The following BMP8B variants were observed in gnomAD, a reference collection of about 807,000 sequenced individuals.
BMP8B encodes bone morphogenetic protein 8b, also known as bone morphogenetic protein 8 (osteogenic protein 2).
In BMP8B, 17 loss-of-function variants were observed where a neutral mutation model predicts 30.3. That is an observed-to-expected ratio of 0.56 (90% CI 0.38 to 0.84). The LOEUF (loss-of-function observed/expected upper bound fraction) is 0.84, where lower values mean the gene tolerates loss of function less well. BMP8B is among the 40% of genes least tolerant of loss of function. BMP8B has a pLI of 0.00. For missense variants in BMP8B, 253 were observed against 494.6 expected, an observed-to-expected ratio of 0.51 and a Z score of 4.63; for synonymous variants, 131 against 214.7, an observed-to-expected ratio of 0.61 and a Z score of 3.41.
chr1:39,783,594 G>A (rs1414728935), intron 1 of BMP8B, among the ~76,000 whole-genome samples: 2 of 152,162 alleles, frequency 1.3e-5, no homozygotes, highest in African/African-American at 4.8e-5. Flanking sequence ...GAGCATTAAC[G>A]TATGCAGTTA....
intron 6 of BMP8B, chr1:39,762,395 A>G: frequency 7.8e-7 from 1 of 1,277,676 alleles, no homozygotes; most frequent in Non-Finnish European, 1.1e-6. Flanking sequence ...AATACCAGGA[A>G]CTGGGATTCT....
chr1:39,766,266 ATTACCAGCT>A (rs1649608190), intron 3 of BMP8B, among the ~76,000 whole-genome samples: 2 of 146,332 alleles, frequency 1.4e-5, no homozygotes, highest in South Asian at 4.2e-4. Context: ...CAGAAGCATG[ATTACCAGCT>A]CATTTTCATG....
chr1:39,775,739 G>A (rs1440290378), intron 1 of BMP8B, among the ~76,000 whole-genome samples: 2 of 152,260 alleles, frequency 1.3e-5, no homozygotes, highest in African/African-American at 4.8e-5. Flanking sequence ...TTCCTTTCTG[G>A]AACAAGCTGG....
Position 39,760,452 on chromosome 1 carries a change from G to A in BMP8B, c.1176C>T (p.Arg392=), listed in dbSNP as rs770513666. 2.5e-6 allele frequency: 4 copies of A among 1,614,036 alleles called. No homozygotes were observed. The highest frequency in any genetic ancestry group is 1.3e-5 in the African/African-American group (1 of 74,946). ...AGCCGCAGGCCTTGACCACCATGTTGCGGTGCTTGCGCAGGATGACATTGT... is the reference window on the plus strand; with the variant it reads ...AGCCGCAGGCCTTGACCACCATGTTACGGTGCTTGCGCAGGATGACATTGT... The part of the protein sequence containing the change: ...SSNNVILRKH[R]NMVVKACGCH The change falls in exon 7 of 7, where the codon CGC becomes CGT. Residue 392 remains arginine, a synonymous_variant. Coordinates refer to ENST00000372827, the MANE Select transcript of BMP8B (RefSeq NM_001720.5).
At chr1:39,774,821 TG>T in intron 2 of BMP8B, 27 bp downstream of exon 2, 1 of 566,772 alleles carries the variant, frequency 1.8e-6, no homozygotes, top group Non-Finnish European at 2.9e-6. Context: ...GGGGGTTAGG[TG>T]GGGCACCCGG....
intron 6 of BMP8B, among the ~76,000 whole-genome samples, chr1:39,761,000 C>G (rs1032049712): frequency 3.9e-5 from 6 of 152,070 alleles, no homozygotes; most frequent in Non-Finnish European, 7.4e-5. Context: ...CCTGGCCTCC[C>G]TCCCCAGTCT....
chr1:39,779,325 C>T (rs1003426753), intron 1 of BMP8B, among the ~76,000 whole-genome samples: 1 of 152,100 alleles, frequency 6.6e-6, no homozygotes, highest in Non-Finnish European at 1.5e-5. Flanking sequence ...CTCCTCCCTG[C>T]TCTTGGCACT....
At chr1:39,787,243 G>T (rs59967712) in intron 1 of BMP8B, among the ~76,000 whole-genome samples, 27,398 of 149,336 alleles carry the variant, frequency 0.18, 2,684 homozygotes, top group East Asian at 0.3. Flanking sequence ...CGGGGCCAGG[G>T]ACCCTCTCCC....
At position 39,763,700 on chromosome 1, in the gene BMP8B, G is replaced by A; in HGVS notation, c.948+12C>T. 4 of 1,593,370 alleles carry A rather than the reference G, an allele frequency of 2.5e-6. No homozygotes were observed. The highest frequency in any genetic ancestry group is 3.4e-6 in the Non-Finnish European group (4 of 1,167,860). On this transcript the variant is annotated intron_variant, in intron 5 of 6. Transcript: ENST00000372827. ...GATTGTCATTTCAGAAACAAGAAGAGTCAGCAATTACCAGCCAGCCGAGGT... is the reference window on the plus strand; with the variant it reads ...GATTGTCATTTCAGAAACAAGAAGAATCAGCAATTACCAGCCAGCCGAGGT...
At chr1:39,773,317 C>CT (rs962369842) in intron 3 of BMP8B, among the ~76,000 whole-genome samples, 3 of 22,900 alleles carry the variant, frequency 1.3e-4, no homozygotes, top group Admixed American at 7.5e-4. Flanking sequence ...CCAACCTTCC[C>CT]TTTTTTTTGA....
rs1475748089 is a variant in BMP8B at position 39,788,494 on chromosome 1, G to A, written c.-9C>T. 47 of 1,012,154 alleles carry A rather than the reference G, an allele frequency of 4.6e-5. No individual in the cohort carries two copies. The highest frequency in any genetic ancestry group is 5.4e-5 in the Non-Finnish European group (46 of 849,196). 62.7% of individuals were successfully genotyped at this position (1,012,154 alleles called of 1,614,324 possible). On this transcript the variant is annotated 5_prime_UTR_variant, in exon 1 of 7. Coordinates refer to ENST00000372827, the MANE Select transcript of BMP8B (RefSeq NM_001720.5). This position sits in a 1 kb window ranked among gnomAD's most constrained non-coding sequence, Gnocchi z 5.8. ...CCGGGGAGCGCGGTCATGGCAGGCCGGGGGCGCTCAGCTGGGGCGCTCAGC... is the reference window on the plus strand; with the variant it reads ...CCGGGGAGCGCGGTCATGGCAGGCCAGGGGCGCTCAGCTGGGGCGCTCAGC...
At chr1:39,762,476 G>A in intron 6 of BMP8B, 2 of 1,532,934 alleles carry the variant, frequency 1.3e-6, no homozygotes, top group Non-Finnish European at 8.8e-7. Context: ...ACAGTGAGCA[G>A]CACCAGTGAT....
chr1:39,779,813 T>C (rs71642700), intron 1 of BMP8B, among the ~76,000 whole-genome samples: 3,196 of 152,338 alleles, frequency 0.021, 60 homozygotes, highest in Non-Finnish European at 0.033. Flanking sequence ...TGTGGCTGTG[T>C]AACTCATTAT....
At chr1:39,770,531 G>A in intron 3 of BMP8B, 1 of 1,610,082 alleles carries the variant, frequency 6.2e-7, no homozygotes, top group Admixed American at 1.7e-5. Flanking sequence ...CACCTCCACC[G>A]CCGTGACGTC....
chr1:39,788,404 G>C lies in BMP8B; in HGVS notation c.82C>G (p.Pro28Ala), dbSNP rs1651159682. Residue 28 changes from proline to alanine, a missense_variant, in exon 1 of 7, where the codon CCG becomes GCG. By Grantham distance (27) the Pro-to-Ala change is conservative (BLOSUM62 -1). Around this residue, in one of 7 missense-constraint regions of BMP8B, gnomAD observed 54 missense variants for 70.8 expected, o/e 0.76. Coordinates refer to ENST00000372827, the MANE Select transcript of BMP8B (RefSeq NM_001720.5). The surrounding 1 kb of genome is among the most constrained non-coding windows in gnomAD (Gnocchi z 5.8). Reference protein sequence around the residue: ...LGGGGPGLRPPPGCPQRRLGA... With the variant: ...LGGGGPGLRPAPGCPQRRLGA... ...AGACGTCGCTGGGGACAGCCGGGCG[G>C]GGGTCGCAGGCCGGGGCCGCCCCCG... 1 of 1,073,788 alleles carries C rather than the reference G, an allele frequency of 9.3e-7. No homozygotes were observed. Among genetic ancestry groups the C allele is most frequent in the African/African-American group, 1.7e-5 (1 of 59,022 alleles). The allele number at this position is 1,073,788 out of a possible 1,614,324, so 66.5% of individuals were successfully genotyped here.
chr1:39,766,942 G>A (rs1295354221), intron 3 of BMP8B, among the ~76,000 whole-genome samples: 1 of 152,232 alleles, frequency 6.6e-6, no homozygotes, highest in Non-Finnish European at 1.5e-5. Context: ...GGGACAGCCT[G>A]GGGCCCAGGG....
At position 39,759,997 on chromosome 1, in the gene BMP8B, G is replaced by C. The variant is rs1244023520; in HGVS notation, c.*422C>G. 1 of 223,380 alleles carries C rather than the reference G, an allele frequency of 4.5e-6. No individual in the cohort carries two copies. Among genetic ancestry groups the C allele is most frequent in the African/African-American group, 2.3e-5 (1 of 43,864 alleles). The allele number at this position is 223,380 out of a possible 1,614,324, so 13.8% of individuals were successfully genotyped here. On this transcript the variant is annotated 3_prime_UTR_variant, in exon 7 of 7. Coordinates refer to ENST00000372827, the MANE Select transcript of BMP8B (RefSeq NM_001720.5). The stretch of plus-strand genomic sequence containing the variant: ...ACCCTGACTACACACACCACACCCT[G>C]TGATGGATGGTGAAGAGCTCAAGGT...
At chr1:39,770,383 G>C in intron 3 of BMP8B, 2 of 1,599,082 alleles carry the variant, frequency 1.3e-6, no homozygotes, top group Non-Finnish European at 1.7e-6. Context: ...CCTTTCCAGC[G>C]TCTCCATCTT....
At chr1:39,783,455 G>A (rs60120274) in intron 1 of BMP8B, among the ~76,000 whole-genome samples, 1 of 152,100 alleles carries the variant, frequency 6.6e-6, no homozygotes, top group Admixed American at 6.5e-5. Flanking sequence ...AGAACTTTGG[G>A]GAAAAGGGAC....
Sources: gnomAD v4.1 joint callset for allele counts (sites outside exome capture counted in the v4.1 genomes callset) on GRCh38, gnomAD v4.1.1 for gene constraint, gnomAD v4.1.1 regional missense constraint, Gnocchi (gnomAD v3.1) non-coding constraint, MANE v1.5 for transcripts, NCBI Gene and HGNC (gene_info 2026-07-23, HGNC 2026-07-21) for gene names.